The following RAB9A variants were observed in gnomAD, a reference collection of about 807,000 sequenced individuals.
RAB9A encodes the protein ras-related protein Rab-9A.
RAB9A carries 1 observed loss-of-function variant against 10.3 expected under a neutral mutation model. The observed-to-expected ratio is 0.10, with a 90% CI of 0.03 to 0.46. The LOEUF (loss-of-function observed/expected upper bound fraction) is 0.46. Among genes scored for constraint, RAB9A ranks in the 20% least tolerant of loss-of-function variants. The pLI is 0.96. For missense variants in RAB9A, 92 were observed against 150.3 expected (o/e 0.61, Z 2.03); for synonymous variants, 39 against 55.2 (o/e 0.71, Z 1.30).
At chrX:13,692,206 AGGCTGAG>A (rs1029986761) in intron 1 of RAB9A, among the ~76,000 whole-genome samples, 1 of 111,352 alleles carries the variant, frequency 9.0e-6, no homozygotes. Flanking sequence ...GCTACTCTGG[AGGCTGAG>A]GCAGAAGGAC....
chrX:13,707,863 C>T (rs1365064936), intron 2 of RAB9A, among the ~76,000 whole-genome samples: 1 of 112,255 alleles, frequency 8.9e-6, no homozygotes, highest in Admixed American at 9.4e-5. Context: ...TTGGTTCATA[C>T]TTTATTTCAC....
intron 2 of RAB9A, among the ~76,000 whole-genome samples, chrX:13,704,366 CTT>C (rs1173372478): frequency 1.8e-5 from 2 of 111,514 alleles, no homozygotes; most frequent in Non-Finnish European, 3.8e-5. Flanking sequence ...GATTGTATGA[CTT>C]TTTTGGGCTG....
At chrX:13,705,827 G>A (rs964747774) in intron 2 of RAB9A, among the ~76,000 whole-genome samples, 1 of 111,481 alleles carries the variant, frequency 9.0e-6, no homozygotes, top group Non-Finnish European at 1.9e-5. Flanking sequence ...AAGGCACAGC[G>A]GTTCATTGGG....
At chrX:13,690,250 G>A (rs949716610) in intron 1 of RAB9A, among the ~76,000 whole-genome samples, 1 of 112,102 alleles carries the variant, frequency 8.9e-6, no homozygotes, top group Non-Finnish European at 1.9e-5. Context: ...ATTCAGTTAG[G>A]AACTTTTAAG....
At chrX:13,696,863 TA>T (rs1268482886) in intron 1 of RAB9A, among the ~76,000 whole-genome samples, 1 of 111,709 alleles carries the variant, frequency 9.0e-6, no homozygotes, top group Non-Finnish European at 1.9e-5. Flanking sequence ...AACACTTCGA[TA>T]GGGGCAGACC....
intron 2 of RAB9A, 46 bp from the exon 3 acceptor site, chrX:13,708,675 A>C: frequency 9.5e-7 from 1 of 1,056,359 alleles, no homozygotes; most frequent in Non-Finnish European, 1.3e-6. Flanking sequence ...CATGTAGAAG[A>C]ATGTGTAGGT....
chrX:13,691,515 C>A (rs1291938061), intron 1 of RAB9A, among the ~76,000 whole-genome samples: 2 of 109,574 alleles, frequency 1.8e-5, no homozygotes, highest in Non-Finnish European at 3.8e-5. Flanking sequence ...CAAAAATTAG[C>A]CAGGCGTGGT....
At chrX:13,702,706 C>A (rs1047327623) in intron 1 of RAB9A, among the ~76,000 whole-genome samples, 24 of 111,820 alleles carry the variant, frequency 2.1e-4, no homozygotes, top group African/African-American at 7.2e-4. Flanking sequence ...AGATGGTGGG[C>A]AGAATCCCTT....
chrX:13,699,856 A>T, intron 1 of RAB9A, among the ~76,000 whole-genome samples: 1 of 112,602 alleles, frequency 8.9e-6, no homozygotes. Flanking sequence ...TAAAAATAAT[A>T]AATAAATGAA....
In RAB9A at chrX:13,689,176, C is replaced by CT. The variant is rs1383625806; in HGVS notation, c.-227dup. The CT allele has an allele frequency of 8.8e-6, 1 of 113,381 alleles. No individual in the cohort carries two copies. The highest frequency in any genetic ancestry group is 3.2e-5 in the African/African-American group (1 of 31,275). 9.3% of individuals were successfully genotyped at this position (113,381 alleles called of 1,213,427 possible). The stretch of plus-strand genomic sequence containing the variant: ...GGGAGCAGCTGGAGCGGGAGCCTGG[C>CT]TGCGCTACCGCGGCTGCCTCCTGCT... On this transcript the variant is annotated 5_prime_UTR_variant, in exon 1 of 3. The change abolishes the stop of an existing upstream ORF in the 5' untranslated region. Coordinates refer to ENST00000464506, the MANE Select transcript of RAB9A (RefSeq NM_004251.5).
In RAB9A at chrX:13,709,625, T is replaced by C. The variant is rs763570779; in HGVS notation, c.*273T>C. 9.6e-5 allele frequency: 18 copies of C among 187,689 alleles called. No individual in the cohort carries two copies. Among genetic ancestry groups the C allele is most frequent in the Admixed American group, 8.9e-4 (12 of 13,505 alleles). The allele number at this position is 187,689 out of a possible 1,213,427, so 15.5% of individuals were successfully genotyped here. On this transcript the variant is annotated 3_prime_UTR_variant, in exon 3 of 3. Coordinates refer to ENST00000464506, the MANE Select transcript of RAB9A (RefSeq NM_004251.5). ...TAAGTTGCAGAGCTAATAAATGAAA[T>C]GACCAAGACTTTAATTATAATAAAA...
intron 2 of RAB9A, among the ~76,000 whole-genome samples, chrX:13,705,833 T>C (rs2046194914): frequency 1.8e-5 from 2 of 111,031 alleles, no homozygotes; most frequent in Non-Finnish European, 3.8e-5. Context: ...CAGCGGTTCA[T>C]TGGGGGGGTC....
chrX:13,690,528 TGA>T (rs2146743870), intron 1 of RAB9A, among the ~76,000 whole-genome samples: 1 of 111,956 alleles, frequency 8.9e-6, no homozygotes, highest in East Asian at 2.8e-4. Flanking sequence ...TCATTGGCTT[TGA>T]CTCCAAGCCG....
chrX:13,695,819 T>C (rs1039066994), intron 1 of RAB9A, among the ~76,000 whole-genome samples: 1 of 110,894 alleles, frequency 9.0e-6, no homozygotes, highest in Admixed American at 9.6e-5. Flanking sequence ...CAGGTAAGGG[T>C]TTCAGTCTCG....
rs986851035 is a variant in RAB9A, at chrX:13,689,194, C to T, written c.-210C>T. Reference sequence around the variant, plus strand: ...AGCCTGGCTGCGCTACCGCGGCTGCCTCCTGCTGTGCAGGTCCCCGACCCT... The same window carrying T: ...AGCCTGGCTGCGCTACCGCGGCTGCTTCCTGCTGTGCAGGTCCCCGACCCT... On this transcript the variant is annotated 5_prime_UTR_variant, in exon 1 of 3. Transcript: ENST00000464506. 13 of 113,440 alleles carry T rather than the reference C, an allele frequency of 1.1e-4. No individual in the cohort carries two copies. The highest frequency in any genetic ancestry group is 2.1e-4 in the Non-Finnish European group (11 of 53,357). The allele number at this position is 113,440 out of a possible 1,213,427, so 9.3% of individuals were successfully genotyped here. A position where few individuals can be genotyped will look rare whatever the true frequency, so the allele number is the denominator to read the frequency against.
intron 2 of RAB9A, among the ~76,000 whole-genome samples, chrX:13,706,843 A>G (rs2046199785): frequency 8.9e-6 from 1 of 112,023 alleles, no homozygotes; most frequent in Non-Finnish European, 1.9e-5. Context: ...TGTGGCTAGA[A>G]GTGCAGAATT....
chrX:13,695,933 T>G (rs1392499842), intron 1 of RAB9A, among the ~76,000 whole-genome samples: 1 of 110,072 alleles, frequency 9.1e-6, no homozygotes, highest in Non-Finnish European at 1.9e-5. Flanking sequence ...TCAGAGTGGT[T>G]TTATGGACAA....
chrX:13,693,760 G>A (rs780157370), intron 1 of RAB9A, among the ~76,000 whole-genome samples: 11 of 111,670 alleles, frequency 9.9e-5, no homozygotes, highest in South Asian at 7.5e-4. Flanking sequence ...ATCTGCCTGA[G>A]GTGGAGAGAG....
intron 1 of RAB9A, among the ~76,000 whole-genome samples, chrX:13,703,347 G>C (rs1265768092): frequency 8.9e-6 from 1 of 112,128 alleles, no homozygotes; most frequent in African/African-American, 3.2e-5. Flanking sequence ...TGTGTAATAG[G>C]TACTAAGAAA....
Sources: gnomAD v4.1 joint callset for allele counts (sites outside exome capture counted in the v4.1 genomes callset) on GRCh38, gnomAD v4.1.1 for gene constraint, MANE v1.5 for transcripts, NCBI Gene and HGNC (gene_info 2026-07-23, HGNC 2026-07-21) for gene names.